BMPR1B: variants seen among roughly 807,000 people sequenced by gnomAD.
BMPR1B encodes the protein bone morphogenetic protein receptor type-1B.
A neutral mutation model predicts 59.1 loss-of-function variants in BMPR1B; 12 were observed. That is an observed-to-expected ratio of 0.20 (90% CI 0.13 to 0.33). The LOEUF (loss-of-function observed/expected upper bound fraction) is 0.33, where lower values mean the gene tolerates loss of function less well. BMPR1B is among the 10% of genes least tolerant of loss of function. BMPR1B has a pLI of 1.00. For synonymous variants in BMPR1B, 237 were observed against 207.3 expected, an observed-to-expected ratio of 1.14 and a Z score of -1.23; for missense variants, 550 against 610.9, an observed-to-expected ratio of 0.90 and a Z score of 1.05.
chr4:94,770,173 C>T lies in BMPR1B; in HGVS notation c.-183+12105C>T, dbSNP rs56380365. On this transcript the variant is annotated intron_variant, in intron 1 of 12. Transcript: ENST00000515059. ...GTTTTTATTTGTTTGAATTGTCCTT[C>T]GTTTCTGTGTTTGTTTTTTTTTTTT... Among the ~76,000 whole-genome samples, 96 of 79,356 alleles carry T rather than the reference C, an allele frequency of 1.2e-3. 2 individuals carry two copies. The highest frequency in any genetic ancestry group is 4.2e-3 in the African/African-American group (86 of 20,408). The allele number at this position is 79,356 out of a possible 152,430, so 52.1% of individuals were successfully genotyped here. A position where few individuals can be genotyped will look rare whatever the true frequency, so the allele number is the denominator to read the frequency against.
intron 10 of BMPR1B, among the ~76,000 whole-genome samples, chr4:95,136,068 A>G (rs1733758760): frequency 1.3e-5 from 2 of 152,232 alleles, no homozygotes; most frequent in South Asian, 2.1e-4. Context: ...AGTTTTTAGC[A>G]TGGAGGGCTG....
At chr4:94,987,107 GTATATATAATATGTA>G (rs1721462543) in intron 2 of BMPR1B, among the ~76,000 whole-genome samples, 4 of 718 alleles carry the variant, frequency 5.6e-3, no homozygotes, top group African/African-American at 0.014. Context: ...TACTATATAT[GTATATATAATATGTA>G]TATATGTATA....
intron 1 of BMPR1B, among the ~76,000 whole-genome samples, chr4:94,813,661 G>A (rs1273189323): frequency 6.6e-6 from 1 of 152,168 alleles, no homozygotes; most frequent in Admixed American, 6.5e-5. Flanking sequence ...TAAAAGGATA[G>A]GTTGAGCCGC....
intron 7 of BMPR1B, 95 bp downstream of exon 7, chr4:95,124,001 CTTTA>C: frequency 9.9e-6 from 8 of 804,618 alleles, no homozygotes; most frequent in South Asian, 5.9e-5. Flanking sequence ...CTCACCACAG[CTTTA>C]TTTATCTTAA....
At chr4:95,009,007 A>G (rs1226069245) in intron 3 of BMPR1B, among the ~76,000 whole-genome samples, 1 of 152,162 alleles carries the variant, frequency 6.6e-6, no homozygotes, top group African/African-American at 2.4e-5. Flanking sequence ...GTGAACTGTG[A>G]TCACTCCACT....
At chr4:95,117,388 C>G (rs1050629365) in intron 6 of BMPR1B, among the ~76,000 whole-genome samples, 1 of 152,090 alleles carries the variant, frequency 6.6e-6, no homozygotes, top group African/African-American at 2.4e-5. Flanking sequence ...TAAACAGATG[C>G]AGTAGTTAAG....
intron 1 of BMPR1B, among the ~76,000 whole-genome samples, chr4:94,804,812 C>A (rs1723546994): frequency 6.6e-6 from 1 of 152,042 alleles, no homozygotes; most frequent in South Asian, 2.1e-4. Flanking sequence ...TTGTTAGATC[C>A]AATTAGAGTT....
At chr4:94,886,695 C>CT (rs1446596395) in intron 2 of BMPR1B, among the ~76,000 whole-genome samples, 1 of 152,184 alleles carries the variant, frequency 6.6e-6, no homozygotes, top group Non-Finnish European at 1.5e-5. Flanking sequence ...CTCAACATCA[C>CT]TTGAAGACAG....
At chr4:94,809,466 C>T (rs1723731772) in intron 1 of BMPR1B, among the ~76,000 whole-genome samples, 1 of 152,150 alleles carries the variant, frequency 6.6e-6, no homozygotes, top group Non-Finnish European at 1.5e-5. Context: ...ATTCCTTTTT[C>T]CATGTATAAG....
intron 2 of BMPR1B, among the ~76,000 whole-genome samples, chr4:94,884,883 A>C (rs1006752879): frequency 2.0e-5 from 3 of 152,192 alleles, no homozygotes; most frequent in Non-Finnish European, 4.4e-5. Flanking sequence ...AGAGCACAGC[A>C]GAAGTAATGG....
intron 3 of BMPR1B, among the ~76,000 whole-genome samples, chr4:95,048,764 G>T (rs1450488312): frequency 6.6e-6 from 1 of 152,068 alleles, no homozygotes; most frequent in African/African-American, 2.4e-5. Flanking sequence ...ATGTACATTA[G>T]GGTGAGAGGG....
intron 10 of BMPR1B, among the ~76,000 whole-genome samples, chr4:95,132,276 G>A (rs1295677064): frequency 6.6e-5 from 10 of 152,166 alleles, no homozygotes; most frequent in African/African-American, 2.4e-4. Context: ...TTTAGGCTTA[G>A]CCATTAATAA....
At chr4:94,797,586 A>C (rs1723243274) in intron 1 of BMPR1B, among the ~76,000 whole-genome samples, 1 of 152,216 alleles carries the variant, frequency 6.6e-6, no homozygotes, top group Non-Finnish European at 1.5e-5. Context: ...GGTGATTAAG[A>C]GTTCAGTATA....
At chr4:94,946,338 C>T (rs1384222913) in intron 2 of BMPR1B, among the ~76,000 whole-genome samples, 3 of 152,080 alleles carry the variant, frequency 2.0e-5, no homozygotes, top group Non-Finnish European at 4.4e-5. Context: ...TTATTTGTAG[C>T]TTTACAAAAA....
chr4:95,006,376 C>CAAA (rs558859893), intron 3 of BMPR1B, among the ~76,000 whole-genome samples: 4 of 134,618 alleles, frequency 3.0e-5, no homozygotes, highest in Admixed American at 1.5e-4. Flanking sequence ...GACTCCATCT[C>CAAA]AAAAAAAAAA....
intron 4 of BMPR1B, among the ~76,000 whole-genome samples, chr4:95,108,548 G>A (rs1731358834): frequency 6.6e-6 from 1 of 152,028 alleles, no homozygotes; most frequent in African/African-American, 2.4e-5. Context: ...AGGTTTTAGA[G>A]GCTTGTAAAC....
intron 1 of BMPR1B, among the ~76,000 whole-genome samples, chr4:94,829,999 T>C (rs1330385877): frequency 6.6e-6 from 1 of 152,180 alleles, no homozygotes; most frequent in Non-Finnish European, 1.5e-5. Context: ...AAAATAATTA[T>C]TCTGAATTTA....
intron 3 of BMPR1B, among the ~76,000 whole-genome samples, chr4:95,076,889 A>G (rs1237769495): frequency 6.6e-6 from 1 of 152,174 alleles, no homozygotes; most frequent in East Asian, 1.9e-4. Context: ...ATAGTAGAAG[A>G]TGAAGCTGGA....
At chr4:95,096,839 A>G (rs906549394) in intron 3 of BMPR1B, among the ~76,000 whole-genome samples, 1 of 141,226 alleles carries the variant, frequency 7.1e-6, no homozygotes, top group Non-Finnish European at 1.5e-5. Context: ...TTTATATATA[A>G]ATATATAGGT....
Sources: gnomAD v4.1 joint callset for allele counts (sites outside exome capture counted in the v4.1 genomes callset) on GRCh38, gnomAD v4.1.1 for gene constraint, MANE v1.5 for transcripts, NCBI Gene and HGNC (gene_info 2026-07-23, HGNC 2026-07-21) for gene names.